The following UTS2 variants were observed in gnomAD, a reference collection of about 807,000 sequenced individuals.
UTS2 encodes urotensin 2.
Under a neutral mutation model 12.6 loss-of-function variants are expected in UTS2, and 10 were observed. The observed-to-expected ratio is 0.80, with a 90% CI of 0.49 to 1.35. The LOEUF is 1.35. UTS2 is among the 40% of genes most tolerant of loss of function. The pLI is 0.00. For missense variants in UTS2, 142 were observed against 143.2 expected (o/e 0.99, Z 0.04); for synonymous variants, 52 against 50.0 (o/e 1.04, Z -0.17).
At chr1:7,908,576 T>C in the UTS2 span, among the ~76,000 whole-genome samples, 1 of 151,834 alleles carries the variant, frequency 6.6e-6, no homozygotes, top group Non-Finnish European at 1.5e-5. Flanking sequence ...GAGAGGCCAC[T>C]TCTCCCCCTG....
the UTS2 span, among the ~76,000 whole-genome samples, chr1:7,878,389 C>T: frequency 6.6e-6 from 1 of 152,154 alleles, no homozygotes; most frequent in South Asian, 2.1e-4. Context: ...AAAGAAAGTA[C>T]TCAAATGTTA....
the UTS2 span, among the ~76,000 whole-genome samples, chr1:7,909,254 TA>T: frequency 6.6e-6 from 1 of 152,114 alleles, no homozygotes; most frequent in Non-Finnish European, 1.5e-5. Flanking sequence ...GAAAGTTAAT[TA>T]AAAAATATTT....
At chr1:7,862,999 T>C in the UTS2 span, among the ~76,000 whole-genome samples, 2 of 19,210 alleles carry the variant, frequency 1.0e-4, no homozygotes, top group African/African-American at 3.6e-4. Context: ...TGTTGTATTG[T>C]ATTGTATTGT....
At chr1:7,880,438 G>A in the UTS2 span, among the ~76,000 whole-genome samples, 9 of 148,170 alleles carry the variant, frequency 6.1e-5, no homozygotes, top group Middle Eastern at 3.2e-3. Context: ...GGAGGGGGGC[G>A]GCGAAGAACA....
At chr1:7,867,493 A>G in the UTS2 span, among the ~76,000 whole-genome samples, 5 of 152,242 alleles carry the variant, frequency 3.3e-5, no homozygotes, top group Non-Finnish European at 5.9e-5. Flanking sequence ...AGAAAGGACC[A>G]TGTGAAGACG....
At chr1:7,875,954 C>T in the UTS2 span, among the ~76,000 whole-genome samples, 2 of 152,264 alleles carry the variant, frequency 1.3e-5, no homozygotes, top group African/African-American at 4.8e-5. Flanking sequence ...CAGGTCTGCC[C>T]ATTCACTACC....
the UTS2 span, among the ~76,000 whole-genome samples, chr1:7,861,285 T>C: frequency 6.6e-6 from 1 of 152,024 alleles, no homozygotes; most frequent in Non-Finnish European, 1.5e-5. Flanking sequence ...GAAGTGTTGG[T>C]TTGGGGTGCC....
the UTS2 span, among the ~76,000 whole-genome samples, chr1:7,876,849 C>A: frequency 6.7e-6 from 1 of 149,730 alleles, no homozygotes; most frequent in African/African-American, 2.5e-5. Flanking sequence ...AAGAACACAG[C>A]GGCTGGGCAC....
At chr1:7,902,662 C>T in the UTS2 span, among the ~76,000 whole-genome samples, 1 of 151,962 alleles carries the variant, frequency 6.6e-6, no homozygotes, top group Non-Finnish European at 1.5e-5. Flanking sequence ...CCTGACCTCA[C>T]GTGATCTTCC....
the UTS2 span, among the ~76,000 whole-genome samples, chr1:7,872,973 G>A: frequency 1.3e-5 from 2 of 152,174 alleles, no homozygotes; most frequent in Non-Finnish European, 2.9e-5. Flanking sequence ...GTTGAAGTCA[G>A]CACTCATTTA....
chr1:7,880,500 G>A, the UTS2 span, among the ~76,000 whole-genome samples: 1 of 151,998 alleles, frequency 6.6e-6, no homozygotes, highest in African/African-American at 2.4e-5. Context: ...TGATACCACA[G>A]AAATACAAAG....
At chr1:7,891,371 C>T in the UTS2 span, among the ~76,000 whole-genome samples, 2 of 151,940 alleles carry the variant, frequency 1.3e-5, no homozygotes, top group East Asian at 1.9e-4. Context: ...ACTAAAAATA[C>T]AAAAATTAGC....
At chr1:7,906,449 G>GAGAAAGGAAGAAAGAAAGAA in the UTS2 span, among the ~76,000 whole-genome samples, 23 of 73,274 alleles carry the variant, frequency 3.1e-4, no homozygotes, top group African/African-American at 1.2e-3. Context: ...GAAAGAAAAA[G>GAGAAAGGAAGAAAGAAAGAA]AGAAAGAAAG....
At chr1:7,885,531 C>T in the UTS2 span, among the ~76,000 whole-genome samples, 4 of 152,156 alleles carry the variant, frequency 2.6e-5, no homozygotes, top group Admixed American at 2.6e-4. Context: ...TCCAGCACAA[C>T]CCACCCAGCC....
At chr1:7,902,540 T>A in the UTS2 span, among the ~76,000 whole-genome samples, 1 of 152,118 alleles carries the variant, frequency 6.6e-6, no homozygotes, top group East Asian at 1.9e-4. Flanking sequence ...ACTATTAAGT[T>A]ATGGGGGAAG....
chr1:7,886,310 T>C, the UTS2 span, among the ~76,000 whole-genome samples: 3 of 152,216 alleles, frequency 2.0e-5, no homozygotes, highest in African/African-American at 7.2e-5. Context: ...TACTTATAAA[T>C]TGGAACAGAG....
the UTS2 span, among the ~76,000 whole-genome samples, chr1:7,879,614 G>C: frequency 1.3e-5 from 2 of 151,866 alleles, no homozygotes; most frequent in Admixed American, 6.6e-5. Flanking sequence ...GGTGGCACAC[G>C]CTTGTAGTTC....
At chr1:7,883,432 T>C in the UTS2 span, among the ~76,000 whole-genome samples, 1 of 152,084 alleles carries the variant, frequency 6.6e-6, no homozygotes, top group African/African-American at 2.4e-5. Flanking sequence ...ACAAACAGTT[T>C]GAGAGAAGGA....
the UTS2 span, among the ~76,000 whole-genome samples, chr1:7,877,771 G>C: frequency 6.6e-6 from 1 of 152,130 alleles, no homozygotes; most frequent in African/African-American, 2.4e-5. Flanking sequence ...TACTCAGGAG[G>C]CTGAGGCAAG....
Sources: allele counts gnomAD v4.1 joint callset (sites outside exome capture counted in the v4.1 genomes callset), GRCh38; gene constraint gnomAD v4.1.1; transcripts MANE v1.5; gene names NCBI Gene and HGNC (gene_info 2026-07-23, HGNC 2026-07-21).